Variants in HERC3 observed in about 807,000 individuals in gnomAD.
HERC3 encodes HECT and RLD domain containing E3 ubiquitin protein ligase 3.
HERC3 carries 58 observed loss-of-function variants against 129.9 expected under a neutral mutation model. The observed-to-expected ratio is 0.45, with a 90% CI of 0.36 to 0.56. The LOEUF is 0.56. HERC3 is among the 20% of genes least tolerant of loss of function. The pLI, the probability that HERC3 is intolerant of heterozygous loss-of-function variation, is 0.00. For synonymous variants in HERC3, 430 were observed against 451.0 expected (o/e 0.95, Z 0.59); for missense variants, 835 against 1,244.2 (o/e 0.67, Z 4.95).
chr4:88,697,320 C>T, intron 23 of HERC3: 2 of 1,613,604 alleles, frequency 1.2e-6, no homozygotes, highest in South Asian at 1.1e-5. Flanking sequence ...CCTCGTCATC[C>T]TCGTACTCCT....
At chr4:88,599,799 A>G (rs1722784956) in intron 2 of HERC3, among the ~76,000 whole-genome samples, 1 of 152,184 alleles carries the variant, frequency 6.6e-6, no homozygotes, top group Non-Finnish European at 1.5e-5. Context: ...GACAACTGTT[A>G]TGGAATCTGA....
At chr4:88,692,176 A>G (rs1275409983) in intron 23 of HERC3, among the ~76,000 whole-genome samples, 1 of 152,216 alleles carries the variant, frequency 6.6e-6, no homozygotes. Context: ...ATGACTACTC[A>G]TGGTTAAGCA....
Position 88,676,315 on chromosome 4 carries a change from A to G in HERC3, c.1936-19A>G, listed in dbSNP as rs768915327. 1.3e-5 allele frequency: 20 copies of G among 1,594,188 alleles called. No individual in the cohort carries two copies. The highest frequency in any genetic ancestry group is 2.2e-5 in the East Asian group (1 of 44,714). ...TCTGTGGAATAGTATAATACTGTCA[A>G]TAATGTGCTTTATTCTAGGATACTG... On this transcript the variant is annotated intron_variant, in intron 17 of 25. Coordinates refer to ENST00000402738, the MANE Select transcript of HERC3 (RefSeq NM_014606.3).
chr4:88,646,995 C>G (rs3775412), intron 3 of HERC3, among the ~76,000 whole-genome samples: 20,825 of 152,160 alleles, frequency 0.14, 1,651 homozygotes, highest in East Asian at 0.2. Flanking sequence ...TACTCAACTA[C>G]TTACTTCCCA....
intron 3 of HERC3, among the ~76,000 whole-genome samples, chr4:88,625,019 G>A (rs756774671): frequency 3.3e-5 from 5 of 152,128 alleles, no homozygotes; most frequent in African/African-American, 4.8e-5. Flanking sequence ...GTGTGTGCTC[G>A]TCTTTTTGTG....
intron 2 of HERC3, chr4:88,598,021 CT>C (rs1186237406): frequency 1.3e-5 from 2 of 152,192 alleles, no homozygotes; most frequent in Admixed American, 1.3e-4. Flanking sequence ...CTGCAAAGCA[CT>C]GAAGGTTTTG....
At chr4:88,587,838 C>T (rs567579376), upstream of HERC3, among the ~76,000 whole-genome samples, 3 of 152,344 alleles carry the variant, frequency 2.0e-5, no homozygotes, top group Admixed American at 2.0e-4. Flanking sequence ...TGATGACAAA[C>T]GTGATCTTTG....
intron 16 of HERC3, among the ~76,000 whole-genome samples, chr4:88,672,228 A>T (rs1213555057): frequency 6.6e-6 from 1 of 152,208 alleles, no homozygotes; most frequent in African/African-American, 2.4e-5. Context: ...AATCTAGATT[A>T]TTATGACAGT....
intron 23 of HERC3, among the ~76,000 whole-genome samples, chr4:88,691,937 C>G (rs1318869735): frequency 6.6e-6 from 1 of 152,236 alleles, no homozygotes; most frequent in Non-Finnish European, 1.5e-5. Context: ...AAGATATTTG[C>G]TGGCATTGCT....
In HERC3 at chr4:88,676,357, C is replaced by T. The variant is rs1251950203; in HGVS notation, c.1959C>T (p.Tyr653=). The T allele has an allele frequency of 1.2e-6, 2 of 1,612,352 alleles. No individual in the cohort carries two copies. The highest frequency in any genetic ancestry group is 3.3e-5 in the Admixed American group (2 of 60,026). ...IIQDTVTLCS[Y]PFIFDAQAKT... ...AGGATACTGTAACACTTTGTTCCTACCCTTTCATCTTTGATGCCCAAGCCA... is the reference window on the plus strand; with the variant it reads ...AGGATACTGTAACACTTTGTTCCTATCCTTTCATCTTTGATGCCCAAGCCA... Residue 653 remains tyrosine, a synonymous_variant, in exon 18 of 26, where the codon TAC becomes TAT. Coordinates refer to ENST00000402738, the MANE Select transcript of HERC3 (RefSeq NM_014606.3).
intron 3 of HERC3, among the ~76,000 whole-genome samples, chr4:88,612,723 A>G (rs1724484365): frequency 1.3e-5 from 2 of 152,132 alleles, no homozygotes; most frequent in Admixed American, 6.5e-5. Flanking sequence ...GTTTTTGTCC[A>G]TGAATTTATT....
chr4:88,662,672 A>G, intron 11 of HERC3, 117 bp downstream of exon 11: 3 of 1,091,482 alleles, frequency 2.7e-6, no homozygotes, highest in African/African-American at 1.6e-5. Context: ...GTTTTACATT[A>G]TAGGGAATCG....
At chr4:88,548,806 G>A in the HERC3 span, among the ~76,000 whole-genome samples, 2,150 of 151,734 alleles carry the variant, frequency 0.014, 50 homozygotes, top group African/African-American at 0.048. Flanking sequence ...GACTACAGGC[G>A]CACACCACCA....
At chr4:88,581,719 T>A in the HERC3 span, among the ~76,000 whole-genome samples, 2 of 152,196 alleles carry the variant, frequency 1.3e-5, no homozygotes, top group Non-Finnish European at 2.9e-5. Context: ...CCCAAAGTGC[T>A]GGGATTACAG....
the HERC3 span, among the ~76,000 whole-genome samples, chr4:88,585,934 A>C: frequency 6.6e-6 from 1 of 152,320 alleles, no homozygotes; most frequent in Non-Finnish European, 1.5e-5. Context: ...ATTACTGGTA[A>C]GGGGGCTAGA....
At chr4:88,566,459 T>A in the HERC3 span, among the ~76,000 whole-genome samples, 1 of 152,224 alleles carries the variant, frequency 6.6e-6, no homozygotes, top group Non-Finnish European at 1.5e-5. Context: ...TTGTACTCTA[T>A]ATCTTGAAGG....
intron 16 of HERC3, among the ~76,000 whole-genome samples, chr4:88,675,678 G>C (rs1732086324): frequency 6.6e-6 from 1 of 151,536 alleles, no homozygotes; most frequent in Non-Finnish European, 1.5e-5. Flanking sequence ...GATGGAATGT[G>C]TTCTGTAAGC....
At chr4:88,577,582 T>C in the HERC3 span, among the ~76,000 whole-genome samples, 4,212 of 144,666 alleles carry the variant, frequency 0.029, 234 homozygotes, top group East Asian at 0.25. Flanking sequence ...TCTTATACTA[T>C]GTATATATGT....
intron 2 of HERC3, among the ~76,000 whole-genome samples, chr4:88,604,622 A>G (rs1259022526): frequency 2.0e-5 from 3 of 152,226 alleles, no homozygotes; most frequent in Admixed American, 2.0e-4. Flanking sequence ...CAGCCAAATA[A>G]TATCCCATTG....
Sources: gnomAD v4.1 joint callset for allele counts (sites outside exome capture counted in the v4.1 genomes callset) on GRCh38, gnomAD v4.1.1 for gene constraint, MANE v1.5 for transcripts, NCBI Gene and HGNC (gene_info 2026-07-23, HGNC 2026-07-21) for gene names.